The following PPM1L variants were observed in gnomAD, a reference collection of about 807,000 sequenced individuals.
PPM1L encodes protein phosphatase, Mg2+/Mn2+ dependent 1L, also known as protein phosphatase 1L.
In PPM1L, 13 loss-of-function variants were observed where a neutral mutation model predicts 31.4. The ratio of observed to expected loss-of-function variants is 0.41; its 90% CI spans 0.27 to 0.66. The LOEUF (loss-of-function observed/expected upper bound fraction) is 0.66, where lower values mean the gene tolerates loss of function less well. PPM1L is among the 30% of genes least tolerant of loss of function. The pLI is 0.29. For synonymous variants in PPM1L, 184 were observed against 175.4 expected (o/e 1.05, Z -0.39); for missense variants, 326 against 453.7 (o/e 0.72, Z 2.56).
chr3:160,766,652 A>G (rs1388769291), intron 1 of PPM1L, among the ~76,000 whole-genome samples: 1 of 151,866 alleles, frequency 6.6e-6, no homozygotes, highest in Non-Finnish European at 1.5e-5. Context: ...GTATTTCTTC[A>G]TAGCAGCGTT....
At chr3:160,790,388 C>T (rs1712068589) in intron 1 of PPM1L, among the ~76,000 whole-genome samples, 1 of 152,040 alleles carries the variant, frequency 6.6e-6, no homozygotes, top group African/African-American at 2.4e-5. Context: ...AGTATTTTAT[C>T]AGGGTATAAA....
rs537401099 is a variant in PPM1L at position 161,019,442 on chromosome 3, C to T, written c.575-45961C>T. Among the ~76,000 whole-genome samples, 102 of 152,138 alleles carry T rather than the reference C, an allele frequency of 6.7e-4. 1 individual carries two copies. The highest frequency in any genetic ancestry group is 3.2e-3 in the Middle Eastern group (1 of 316). On this transcript the variant is annotated intron_variant, in intron 2 of 3. Coordinates refer to ENST00000498165, the MANE Select transcript of PPM1L (RefSeq NM_139245.4). ...CGAACTCCAGATCTCAAGTGATCCT[C>T]CTATCTTGGCTTGCAAAAGTGCTGA...
At chr3:160,864,616 C>T (rs1390293870) in intron 1 of PPM1L, among the ~76,000 whole-genome samples, 2 of 152,170 alleles carry the variant, frequency 1.3e-5, no homozygotes, top group African/African-American at 4.8e-5. Context: ...TCAGTTCTTT[C>T]ACAGATATGT....
chr3:160,820,141 A>G (rs1713150813), intron 1 of PPM1L, among the ~76,000 whole-genome samples: 3 of 152,112 alleles, frequency 2.0e-5, no homozygotes, highest in Admixed American at 2.0e-4. Context: ...GCATAACCTT[A>G]GCAGTGATAG....
intron 1 of PPM1L, among the ~76,000 whole-genome samples, chr3:160,857,006 G>T (rs969477472): frequency 2.0e-5 from 3 of 152,024 alleles, no homozygotes; most frequent in Non-Finnish European, 4.4e-5. Flanking sequence ...TTTGATGTTT[G>T]ATTCTAACTT....
chr3:161,016,500 A>C (rs1274205348), intron 2 of PPM1L, among the ~76,000 whole-genome samples: 1 of 152,208 alleles, frequency 6.6e-6, no homozygotes, highest in Admixed American at 6.5e-5. Flanking sequence ...AGGTTGAAGG[A>C]GGAGAGATGG....
chr3:160,896,875 A>G (rs1389433684), intron 1 of PPM1L, among the ~76,000 whole-genome samples: 2 of 152,124 alleles, frequency 1.3e-5, no homozygotes, highest in South Asian at 2.1e-4. Flanking sequence ...AGATGGTTTA[A>G]TGGCCAAGTA....
intron 1 of PPM1L, among the ~76,000 whole-genome samples, chr3:160,798,726 G>T (rs1712334024): frequency 6.6e-6 from 1 of 152,174 alleles, no homozygotes; most frequent in South Asian, 2.1e-4. Flanking sequence ...CATCCATTCT[G>T]CAGCCCATGG....
At chr3:160,940,839 G>A (rs1839020) in intron 1 of PPM1L, among the ~76,000 whole-genome samples, 125,102 of 152,042 alleles carry the variant, frequency 0.82, 52,053 homozygotes, top group Middle Eastern at 0.92. Context: ...GAAGAGGGCT[G>A]CCATCCTCCA....
At chr3:160,996,619 G>A (rs190985783) in intron 2 of PPM1L, among the ~76,000 whole-genome samples, 4 of 152,214 alleles carry the variant, frequency 2.6e-5, no homozygotes, top group South Asian at 2.1e-4. Flanking sequence ...ATGATACAGA[G>A]GGCTTTGGGG....
rs182983884 is a variant in PPM1L, at chr3:160,960,520, A to C, written c.400-1216A>C. Among the ~76,000 whole-genome samples, 136 of 151,212 alleles carry C rather than the reference A, an allele frequency of 9.0e-4. 1 individual carries two copies. Among genetic ancestry groups the C allele is most frequent in the Non-Finnish European group, 3.4e-4 (23 of 67,878 alleles). ...CTAAGCAAAGATTGCCCCAGATACC[A>C]TCTTTTTGTTTGTTTGTTTGTTCGT... On this transcript the variant is annotated intron_variant, in intron 1 of 3. Transcript: ENST00000498165.
At chr3:160,881,789 C>T (rs1381826340) in intron 1 of PPM1L, among the ~76,000 whole-genome samples, 2 of 152,164 alleles carry the variant, frequency 1.3e-5, no homozygotes, top group Admixed American at 6.5e-5. Flanking sequence ...CGGTGGCTCA[C>T]GCCTGTAATC....
intron 1 of PPM1L, among the ~76,000 whole-genome samples, chr3:160,801,469 A>C (rs1712423559): frequency 6.6e-6 from 1 of 152,244 alleles, no homozygotes; most frequent in Admixed American, 6.5e-5. Flanking sequence ...ATGGCCAGTC[A>C]CAGGACGAAG....
intron 1 of PPM1L, among the ~76,000 whole-genome samples, chr3:160,903,190 T>TGTGTGTGTGG (rs1320009249): frequency 7.2e-6 from 1 of 138,132 alleles, no homozygotes; most frequent in Non-Finnish European, 1.5e-5. Context: ...TGTGTGTGTG[T>TGTGTGTGTGG]GTGGTATGTG....
At chr3:160,865,611 C>T (rs753638928) in intron 1 of PPM1L, among the ~76,000 whole-genome samples, 11 of 152,108 alleles carry the variant, frequency 7.2e-5, no homozygotes, top group Non-Finnish European at 1.3e-4. Flanking sequence ...CCTGTCTCTA[C>T]TAAAAATACA....
At chr3:161,052,162 C>T (rs560869818) in intron 2 of PPM1L, among the ~76,000 whole-genome samples, 36 of 152,342 alleles carry the variant, frequency 2.4e-4, no homozygotes, top group Admixed American at 3.3e-4. Context: ...CTTATTCAGC[C>T]ATTGCCTTTC....
chr3:160,804,247 A>G (rs1712529424), intron 1 of PPM1L, among the ~76,000 whole-genome samples: 1 of 151,970 alleles, frequency 6.6e-6, no homozygotes. Context: ...TGTTAACTAT[A>G]ATTTAACTTT....
chr3:160,861,852 A>G (rs1033117276), intron 1 of PPM1L, among the ~76,000 whole-genome samples: 1 of 152,162 alleles, frequency 6.6e-6, no homozygotes, highest in Non-Finnish European at 1.5e-5. Flanking sequence ...TTGGTGGTGT[A>G]GCCACCTTCT....
At chr3:161,000,407 A>G (rs1717445336) in intron 2 of PPM1L, among the ~76,000 whole-genome samples, 1 of 152,218 alleles carries the variant, frequency 6.6e-6, no homozygotes, top group Non-Finnish European at 1.5e-5. Context: ...AGAAGCATTC[A>G]GTGAGGAAGA....
Sources: allele counts gnomAD v4.1 joint callset (sites outside exome capture counted in the v4.1 genomes callset), GRCh38; gene constraint gnomAD v4.1.1; transcripts MANE v1.5; gene names NCBI Gene and HGNC (gene_info 2026-07-23, HGNC 2026-07-21).